The following USH1G variants were observed in gnomAD, a reference collection of about 807,000 sequenced individuals.
USH1G encodes pre-mRNA splicing regulator USH1G.
Under a neutral mutation model 31.9 loss-of-function variants are expected in USH1G, and 27 were observed. The ratio of observed to expected loss-of-function variants is 0.85; its 90% CI spans 0.62 to 1.17. USH1G has a LOEUF of 1.17. Among genes scored for constraint, USH1G ranks in the 50% most tolerant of loss-of-function variants. USH1G has a pLI of 0.00. For synonymous variants in USH1G, 266 were observed against 283.2 expected, an observed-to-expected ratio of 0.94 and a Z score of 0.61; for missense variants, 674 against 638.9, an observed-to-expected ratio of 1.05 and a Z score of -0.59.
rs373695566 is a variant in USH1G at position 74,923,108 on chromosome 17, G to A, written c.-35C>T. The A allele has an allele frequency of 4.1e-5, 63 of 1,542,728 alleles. 1 individual carries two copies. The African/African-American group carries it at 6.0e-4, about 15-fold the overall frequency. On this transcript the variant is annotated 5_prime_UTR_variant, in exon 1 of 3. Transcript: ENST00000614341. The surrounding 1 kb of genome is among the most constrained non-coding windows in gnomAD (Gnocchi z 5.3). ...AGTGGACGGGGCGGGCGGGGGACAC[G>A]GAGAAAGGCCCCCCGCAGGGGAGGG...
rs1055975346 is a variant in USH1G, at chr17:74,918,733, C to A, written c.1383-657G>T. On this transcript the variant is annotated intron_variant, in intron 2 of 2. Transcript: ENST00000614341. The surrounding 1 kb of genome is among the most constrained non-coding windows in gnomAD (Gnocchi z 4.1). The stretch of plus-strand genomic sequence containing the variant: ...TCAGGAGGCTGAGGCAGGAGAATCG[C>A]TTGAACCCGGGAGGTGGAGGTTACA... Among the ~76,000 whole-genome samples, 7 of 151,410 alleles carry A rather than the reference C, an allele frequency of 4.6e-5. No homozygotes were observed. The highest frequency in any genetic ancestry group is 8.8e-5 in the Non-Finnish European group (6 of 67,962).
rs2144753776 is a variant in USH1G at position 74,920,052 on chromosome 17, CG to C, written c.783del (p.Tyr261Ter). ...SDVMFVRQGT[Y>X]ANPKEWGRAP... ...GCTCGGCCCCACTCCTTGGGATTGG[CG>C]TAGGTGCCCTGGCGCACGAACATCA... is the stretch of plus-strand genomic sequence containing the variant. On this transcript the variant is annotated frameshift_variant, in exon 2 of 3. Transcript: ENST00000614341. LOFTEE classifies it high-confidence loss of function. This position sits in a 1 kb window ranked among gnomAD's most constrained non-coding sequence, Gnocchi z 5.2. 1.2e-6 allele frequency: 2 copies of C among 1,609,424 alleles called. No individual in the cohort carries two copies. The highest frequency in any genetic ancestry group is 1.7e-6 in the Non-Finnish European group (2 of 1,179,678).
rs778163212 is a variant in USH1G, at chr17:74,920,544, A to C, written c.292T>G (p.Tyr98Asp). The C allele has an allele frequency of 1.2e-6, 2 of 1,613,612 alleles. No homozygotes were observed. The highest frequency in any genetic ancestry group is 2.7e-5 in the African/African-American group (2 of 74,926). ...GANIWCLDND[Y>D]HTPLDMAAMK... Reference sequence around the variant, plus strand: ...GCAGCCATGTCCAGCGGCGTGTGGTAGTCGTTGTCTAGGCACCAGATGTTG... The same window carrying C: ...GCAGCCATGTCCAGCGGCGTGTGGTCGTCGTTGTCTAGGCACCAGATGTTG... Residue 98 changes from tyrosine (Y) to aspartate (D), a missense_variant, in exon 2 of 3, where the codon TAC (tyrosine) becomes GAC (aspartate). Coordinates refer to ENST00000614341, the MANE Select transcript of USH1G (RefSeq NM_173477.5). The surrounding 1 kb of genome is among the most constrained non-coding windows in gnomAD (Gnocchi z 5.2).
At position 74,918,119 on chromosome 17, in the gene USH1G, C is replaced by T. The variant is rs1365061166; in HGVS notation, c.1383-43G>A. 6.2e-7 allele frequency: 1 copy of T among 1,612,522 alleles called. No individual in the cohort carries two copies. Among genetic ancestry groups the T allele is most frequent in the South Asian group, 1.1e-5 (1 of 90,690 alleles). Reference sequence around the variant, plus strand: ...GAAAGAAACAGATCTCACATGAGGCCCTCCAGAGGCATCATTTTCACCCAG... The same window carrying T: ...GAAAGAAACAGATCTCACATGAGGCTCTCCAGAGGCATCATTTTCACCCAG... On this transcript the variant is annotated intron_variant, in intron 2 of 2. Transcript: ENST00000614341. The surrounding 1 kb of genome is among the most constrained non-coding windows in gnomAD (Gnocchi z 4.1).
rs901408312 is a variant in USH1G at position 74,923,044 on chromosome 17, C to G, written c.30G>C (p.Arg10=). The G allele has an allele frequency of 1.3e-6, 2 of 1,585,234 alleles. No individual in the cohort carries two copies. The highest frequency in any genetic ancestry group is 2.3e-5 in the East Asian group (1 of 43,686). Residue 10 remains arginine, a synonymous_variant, in exon 1 of 3, where the codon CGG becomes CGC. Transcript: ENST00000614341. The surrounding 1 kb of genome is among the most constrained non-coding windows in gnomAD (Gnocchi z 5.3). The stretch of plus-strand genomic sequence containing the variant: ...CCTTGAGGAGCTCCAGGTAGCCATC[C>G]CGGGCTGCCCGGTGGTACTGGTCGT... MNDQYHRAA[R]DGYLELLKEA... is the part of the protein sequence containing the mutation.
Position 74,921,915 on chromosome 17 carries a change from G to A in USH1G, c.164+995C>T, listed in dbSNP as rs1324251176. ...ATGCTGGGCCCAAGGAGCAGCCCAAGGAGAGGGCAAGAAGGAGGGGTCTCC... is the reference window on the plus strand; with the variant it reads ...ATGCTGGGCCCAAGGAGCAGCCCAAAGAGAGGGCAAGAAGGAGGGGTCTCC... On this transcript the variant is annotated intron_variant, in intron 1 of 2. Coordinates refer to ENST00000614341, the MANE Select transcript of USH1G (RefSeq NM_173477.5). This position sits in a 1 kb window ranked among gnomAD's most constrained non-coding sequence, Gnocchi z 4.6. Among the ~76,000 whole-genome samples the A allele has an allele frequency of 6.6e-6, 1 of 152,152 alleles. No homozygotes were observed. The highest frequency in any genetic ancestry group is 2.4e-5 in the African/African-American group (1 of 41,430).
chr17:74,917,473 G>C lies in USH1G; in HGVS notation c.*600C>G, dbSNP rs937166224. 6.5e-6 allele frequency: 1 copy of C among 153,378 alleles called. No individual in the cohort carries two copies. The highest frequency in any genetic ancestry group is 1.5e-5 in the Non-Finnish European group (1 of 68,760). 9.5% of individuals were successfully genotyped at this position (153,378 alleles called of 1,614,324 possible). A position where few individuals can be genotyped will look rare whatever the true frequency, so the allele number is the denominator to read the frequency against. On this transcript the variant is annotated 3_prime_UTR_variant, in exon 3 of 3. Transcript: ENST00000614341. ...CACCCCAACCCGGCTTTCCAGCTCC[G>C]GGCCTTGACCACTAGGTGAAGGAGG... is the stretch of plus-strand genomic sequence containing the variant.
At position 74,920,740 on chromosome 17, in the gene USH1G, G is replaced by A; in HGVS notation, c.165-69C>T. On this transcript the variant is annotated intron_variant, in intron 1 of 2. Coordinates refer to ENST00000614341, the MANE Select transcript of USH1G (RefSeq NM_173477.5). The surrounding 1 kb of genome is among the most constrained non-coding windows in gnomAD (Gnocchi z 5.2). Reference sequence around the variant, plus strand: ...TGGGGATGGAGGTGGAGGGAGTGGAGGGGGGAGGGGAGCTTCCCCACTGTC... The same window carrying A: ...TGGGGATGGAGGTGGAGGGAGTGGAAGGGGGAGGGGAGCTTCCCCACTGTC... 6.3e-7 allele frequency: 1 copy of A among 1,590,992 alleles called. No individual in the cohort carries two copies. Among genetic ancestry groups the A allele is most frequent in the South Asian group, 1.1e-5 (1 of 89,108 alleles).
Position 74,920,231 on chromosome 17 carries a change from G to C in USH1G, c.605C>G (p.Ser202Cys). ...GGCCGTGCCGTGCAGCGTGGCCTGA[G>C]AGTACGGCAGGTGGCTGCCCAGCGC... Reference protein sequence around the residue: ...HLALGSHLPYSQATLHGTARG... With the variant: ...HLALGSHLPYCQATLHGTARG... Residue 202 changes from serine (S) to cysteine (C), a missense_variant, in exon 2 of 3, where the codon TCT becomes TGT. Ser to Cys is a moderately radical substitution (Grantham distance 112). Coordinates refer to ENST00000614341, the MANE Select transcript of USH1G (RefSeq NM_173477.5). This position sits in a 1 kb window ranked among gnomAD's most constrained non-coding sequence, Gnocchi z 5.2. 6.2e-7 allele frequency: 1 copy of C among 1,603,348 alleles called. No individual in the cohort carries two copies. The highest frequency in any genetic ancestry group is 8.5e-7 in the Non-Finnish European group (1 of 1,179,792).
rs934613150 is a variant in USH1G, at chr17:74,918,880, T to C, written c.1382+574A>G. 1.3e-5 allele frequency among the ~76,000 whole-genome samples: 2 copies of C among 150,970 alleles called. No homozygotes were observed. The highest frequency in any genetic ancestry group is 2.9e-5 in the Non-Finnish European group (2 of 67,852). The stretch of plus-strand genomic sequence containing the variant: ...GGCCCTGCTGACTGCACGCCCTGCA[T>C]CCCATGGCAGCCACCTTGACCCCAG... On this transcript the variant is annotated intron_variant, in intron 2 of 2. Transcript: ENST00000614341. This position sits in a 1 kb window ranked among gnomAD's most constrained non-coding sequence, Gnocchi z 4.1.
chr17:74,922,774 A>T, intron 1 of USH1G, 136 bp downstream of exon 1: 1 of 1,029,104 alleles, frequency 9.7e-7, no homozygotes, highest in Non-Finnish European at 1.4e-6. Context: ...TCCCCTCAAC[A>T]TGTGTCTCTC....
In USH1G at chr17:74,920,398, G is replaced by A. The variant is rs2144754981; in HGVS notation, c.438C>T (p.Arg146=). The change falls in exon 2 of 3, where the codon CGC becomes CGT. Residue 146 remains arginine (R), a synonymous_variant. Coordinates refer to ENST00000614341, the MANE Select transcript of USH1G (RefSeq NM_173477.5). This position sits in a 1 kb window ranked among gnomAD's most constrained non-coding sequence, Gnocchi z 5.2. ...KDKAFREAER[R]IRECAKLQRR... is the part of the protein sequence containing the mutation. ...GCTGCAGCTTGGCGCACTCGCGGAT[G>A]CGCCGCTCCGCCTCGCGGAAGGCCT... is the stretch of plus-strand genomic sequence containing the variant. The A allele has an allele frequency of 1.2e-6, 2 of 1,613,270 alleles. No individual in the cohort carries two copies. Among genetic ancestry groups the A allele is most frequent in the Non-Finnish European group, 8.5e-7 (1 of 1,180,022 alleles).
rs763288980 is a variant in USH1G at position 74,920,694 on chromosome 17, GGACGAGT to G, written c.165-30_165-24del. 128 of 1,612,832 alleles carry G rather than the reference GGACGAGT, an allele frequency of 7.9e-5. 1 individual carries two copies. The East Asian group carries it at 2.8e-3, about 35-fold the overall frequency. On this transcript the variant is annotated intron_variant, in intron 1 of 2. Coordinates refer to ENST00000614341, the MANE Select transcript of USH1G (RefSeq NM_173477.5). The surrounding 1 kb of genome is among the most constrained non-coding windows in gnomAD (Gnocchi z 5.2). ...CCCCTGCAGGGAAAGCATTCAGGAG[GGACGAGT>G]GACGAGTCCTGGCTGGGGATGGAGG...
At chr17:74,922,253 G>A (rs2038951901) in intron 1 of USH1G, among the ~76,000 whole-genome samples, 1 of 138,534 alleles carries the variant, frequency 7.2e-6, no homozygotes, top group Non-Finnish European at 1.6e-5. Context: ...CCCCACCCAG[G>A]ACAACTCCAA....
In USH1G at chr17:74,920,910, C is replaced by T. The variant is rs1224008439; in HGVS notation, c.165-239G>A. ...GCAGGGGGTGGGGTGACAGAGAAGG[C>T]GGGACTGGGGCGGGGCCTTCCCCAA... On this transcript the variant is annotated intron_variant, in intron 1 of 2. Coordinates refer to ENST00000614341, the MANE Select transcript of USH1G (RefSeq NM_173477.5). The surrounding 1 kb of genome is among the most constrained non-coding windows in gnomAD (Gnocchi z 5.2). Among the ~76,000 whole-genome samples the T allele has an allele frequency of 3.9e-5, 6 of 152,082 alleles. No homozygotes were observed. The highest frequency in any genetic ancestry group is 1.9e-4 in the East Asian group (1 of 5,186).
chr17:74,920,497 G>T lies in USH1G; in HGVS notation c.339C>A (p.Cys113Ter). The change falls in exon 2 of 3, where the codon TGC becomes TGA. Residue 113 changes from cysteine to a stop codon, truncating the protein, a stop_gained. Coordinates refer to ENST00000614341, the MANE Select transcript of USH1G (RefSeq NM_173477.5). LOFTEE classifies it high-confidence loss of function. The surrounding 1 kb of genome is among the most constrained non-coding windows in gnomAD (Gnocchi z 5.2). ...DMAAMKGHMECVRYLDSIAAK... is the reference protein window; with the variant it reads ...DMAAMKGHME The stretch of plus-strand genomic sequence containing the variant: ...CCGCGATGGAGTCCAGGTAGCGCAC[G>T]CATTCCATGTGGCCCTTCATGGCAG... 1 of 1,613,802 alleles carries T rather than the reference G, an allele frequency of 6.2e-7. No individual in the cohort carries two copies. Among genetic ancestry groups the T allele is most frequent in the Non-Finnish European group, 8.5e-7 (1 of 1,180,050 alleles).
At position 74,919,747 on chromosome 17, in the gene USH1G, C is replaced by G. The variant is rs2038911527; in HGVS notation, c.1089G>C (p.Leu363=). The G allele has an allele frequency of 6.2e-7, 1 of 1,612,984 alleles. No homozygotes were observed. Among genetic ancestry groups the G allele is most frequent in the Non-Finnish European group, 8.5e-7 (1 of 1,180,010 alleles). The part of the protein sequence containing the change: ...DDDSLGSANS[L]QDRSCGEELP... ...GCTCCTCCCCACAGCTGCGGTCCTG[C>G]AGGCTGTTGGCACTGCCCAGGCTGT... Residue 363 remains leucine, a synonymous_variant, in exon 2 of 3, where the codon CTG becomes CTC. Coordinates refer to ENST00000614341, the MANE Select transcript of USH1G (RefSeq NM_173477.5). The surrounding 1 kb of genome is among the most constrained non-coding windows in gnomAD (Gnocchi z 4.5).
Position 74,920,626 on chromosome 17 carries a change from A to C in USH1G, c.210T>G (p.His70Gln). The C allele has an allele frequency of 6.2e-7, 1 of 1,613,820 alleles. No individual in the cohort carries two copies. Among genetic ancestry groups the C allele is most frequent in the South Asian group, 1.1e-5 (1 of 91,090 alleles). ...KCDIWGNTPL[H>Q]LAASNGHLHC... is the part of the protein sequence containing the mutation. ...GCAAGTGGCCATTGGAAGCTGCCAG[A>C]TGCAGGGGTGTGTTGCCCCAGATGT... The change falls in exon 2 of 3, where the codon CAT (histidine) becomes CAG (glutamine). Residue 70 changes from histidine to glutamine, a missense_variant. Transcript: ENST00000614341. The surrounding 1 kb of genome is among the most constrained non-coding windows in gnomAD (Gnocchi z 5.2).
At position 74,920,317 on chromosome 17, in the gene USH1G, G is replaced by C. The variant is rs1183961522; in HGVS notation, c.519C>G (p.Ser173=). 1 of 1,608,070 alleles carries C rather than the reference G, an allele frequency of 6.2e-7. No homozygotes were observed. The highest frequency in any genetic ancestry group is 8.5e-7 in the Non-Finnish European group (1 of 1,178,858). The part of the protein sequence containing the change: ...RRYRRELAER[S]DTLSFSSLTS... ...TGAGGCTGGAGAAGCTGAGGGTGTC[G>C]GAACGCTCGGCCAGCTCGCGCCGGT... Residue 173 remains serine (S), a synonymous_variant, in exon 2 of 3, where the codon TCC becomes TCG. Coordinates refer to ENST00000614341, the MANE Select transcript of USH1G (RefSeq NM_173477.5). This position sits in a 1 kb window ranked among gnomAD's most constrained non-coding sequence, Gnocchi z 5.2.
Sources: allele counts gnomAD v4.1 joint callset (sites outside exome capture counted in the v4.1 genomes callset), GRCh38; gene constraint gnomAD v4.1.1; non-coding constraint Gnocchi (gnomAD v3.1); transcripts MANE v1.5; gene names NCBI Gene and HGNC (gene_info 2026-07-23, HGNC 2026-07-21).